The following GRM7 variants were observed in gnomAD, a reference collection of about 807,000 sequenced individuals.
GRM7 encodes glutamate metabotropic receptor 7, also known as metabotropic glutamate receptor 7.
Under a neutral mutation model 84.5 loss-of-function variants are expected in GRM7, and 35 were observed. The ratio of observed to expected loss-of-function variants is 0.41; its 90% CI spans 0.32 to 0.55. The LOEUF is 0.55. GRM7 is among the 20% of genes least tolerant of loss of function. GRM7 has a pLI of 0.19. For missense variants in GRM7, 1,003 were observed against 1,194.6 expected (o/e 0.84, Z 2.36); for synonymous variants, 487 against 455.1 (o/e 1.07, Z -0.89).
intron 8 of GRM7, among the ~76,000 whole-genome samples, chr3:7,618,676 C>T (rs1697223349): frequency 6.6e-6 from 1 of 152,048 alleles, no homozygotes; most frequent in Non-Finnish European, 1.5e-5. Context: ...ACCTAAAATT[C>T]CCCTTATGAC....
chr3:7,570,343 T>C (rs1694584285), intron 7 of GRM7, among the ~76,000 whole-genome samples: 1 of 152,200 alleles, frequency 6.6e-6, no homozygotes, highest in African/African-American at 2.4e-5. Context: ...CTTCTGCTTA[T>C]GAGCCTGTAA....
chr3:6,918,313 C>T (rs748520539), intron 1 of GRM7, among the ~76,000 whole-genome samples: 4 of 152,156 alleles, frequency 2.6e-5, no homozygotes, highest in Admixed American at 6.5e-5. Flanking sequence ...TTTTGCCTAT[C>T]GCCTTGTAGG....
At chr3:7,416,047 G>C (rs986671267) in intron 5 of GRM7, among the ~76,000 whole-genome samples, 2 of 152,114 alleles carry the variant, frequency 1.3e-5, no homozygotes, top group Admixed American at 1.3e-4. Flanking sequence ...AAATAGGTTG[G>C]AGAATTCTGA....
At chr3:7,551,823 A>G (rs1288309521) in intron 7 of GRM7, among the ~76,000 whole-genome samples, 1 of 152,148 alleles carries the variant, frequency 6.6e-6, no homozygotes, top group Non-Finnish European at 1.5e-5. Context: ...TCTTACTGCT[A>G]TAAAGAACTC....
At chr3:7,515,171 G>A (rs1353344422) in intron 7 of GRM7, among the ~76,000 whole-genome samples, 3 of 142,060 alleles carry the variant, frequency 2.1e-5, no homozygotes, top group African/African-American at 7.9e-5. Flanking sequence ...CCAGTTTCCT[G>A]TTCCTTTAAA....
intron 9 of GRM7, among the ~76,000 whole-genome samples, chr3:7,715,090 G>T (rs1356650435): frequency 6.6e-6 from 1 of 152,128 alleles, no homozygotes; most frequent in Non-Finnish European, 1.5e-5. Flanking sequence ...CTTTAGTAAG[G>T]ATTGAAGGAA....
chr3:7,569,915 G>C (rs186582048), intron 7 of GRM7, among the ~76,000 whole-genome samples: 3 of 152,152 alleles, frequency 2.0e-5, no homozygotes, highest in African/African-American at 4.8e-5. Context: ...TCACCGCGAG[G>C]GTCCGTGGCT....
At chr3:7,585,150 G>C (rs1695462922) in intron 8 of GRM7, among the ~76,000 whole-genome samples, 2 of 152,204 alleles carry the variant, frequency 1.3e-5, no homozygotes, top group South Asian at 4.1e-4. Context: ...GTGCACTCAT[G>C]CTGTGACAGG....
At chr3:7,090,751 G>T (rs1698633461) in intron 1 of GRM7, among the ~76,000 whole-genome samples, 1 of 152,084 alleles carries the variant, frequency 6.6e-6, no homozygotes, top group African/African-American at 2.4e-5. Flanking sequence ...TGATAGATAA[G>T]ATAGAGAAGA....
intron 2 of GRM7, among the ~76,000 whole-genome samples, chr3:7,288,505 G>A (rs566789223): frequency 6.6e-6 from 1 of 152,204 alleles, no homozygotes; most frequent in Non-Finnish European, 1.5e-5. Flanking sequence ...TGGCTCTGTA[G>A]CATTGGACAA....
chr3:7,402,132 C>G (rs116544023), intron 4 of GRM7, among the ~76,000 whole-genome samples: 3,200 of 152,268 alleles, frequency 0.021, 51 homozygotes, highest in Middle Eastern at 0.058. Context: ...TGGCTGCTAT[C>G]AGCAACTCCT....
At chr3:7,112,716 A>G (rs1394728166) in intron 1 of GRM7, among the ~76,000 whole-genome samples, 2 of 152,164 alleles carry the variant, frequency 1.3e-5, no homozygotes, top group South Asian at 2.1e-4. Flanking sequence ...AGCCATGTGC[A>G]TGACTAGTGG....
intron 1 of GRM7, among the ~76,000 whole-genome samples, chr3:6,873,734 T>C (rs959320580): frequency 3.3e-5 from 5 of 152,228 alleles, no homozygotes; most frequent in Non-Finnish European, 7.3e-5. Context: ...TCATGCACCC[T>C]GTATAAGGGC....
chr3:6,893,644 A>G (rs1482573134), intron 1 of GRM7, among the ~76,000 whole-genome samples: 1 of 152,190 alleles, frequency 6.6e-6, no homozygotes, highest in East Asian at 1.9e-4. Flanking sequence ...AAATACAGTC[A>G]TCAATTTTTG....
intron 4 of GRM7, among the ~76,000 whole-genome samples, chr3:7,357,937 C>T (rs1302486676): frequency 1.3e-5 from 2 of 152,106 alleles, no homozygotes; most frequent in African/African-American, 4.8e-5. Flanking sequence ...AATACTCAGA[C>T]TCATGAGCTT....
Position 6,947,071 on chromosome 3 carries a change from C to T in GRM7, c.519+85164C>T, listed in dbSNP as rs144814720. 1.7e-3 allele frequency among the ~76,000 whole-genome samples: 262 copies of T among 152,224 alleles called. 4 individuals are homozygous for T. Among genetic ancestry groups the T allele is most frequent in the Admixed American group, 4.7e-3 (72 of 15,278 alleles). ...CCTTATCCTGCCTGATTGCCCTGGC[C>T]AGAACTTCCAACACTATGTTGAATA... On this transcript the variant is annotated intron_variant, in intron 1 of 9. Transcript: ENST00000357716.
intron 2 of GRM7, among the ~76,000 whole-genome samples, chr3:7,240,123 T>TTTTTTG (rs1191578645): frequency 3.0e-5 from 4 of 131,776 alleles, no homozygotes; most frequent in Non-Finnish European, 4.7e-5. Context: ...ATGTGAGGTT[T>TTTTTTG]TTTTTTTTTT....
At chr3:7,291,020 C>T (rs1249155516) in intron 2 of GRM7, among the ~76,000 whole-genome samples, 1 of 152,092 alleles carries the variant, frequency 6.6e-6, no homozygotes, top group Non-Finnish European at 1.5e-5. Flanking sequence ...ACTCTGTCTC[C>T]CTCTCTCACC....
At chr3:7,461,251 T>C (rs1416372503) in intron 6 of GRM7, among the ~76,000 whole-genome samples, 1 of 152,178 alleles carries the variant, frequency 6.6e-6, no homozygotes, top group Non-Finnish European at 1.5e-5. Flanking sequence ...ATCAGGAGCA[T>C]AATAAAACTT....
Sources: allele counts gnomAD v4.1 joint callset (sites outside exome capture counted in the v4.1 genomes callset), GRCh38; gene constraint gnomAD v4.1.1; transcripts MANE v1.5; gene names NCBI Gene and HGNC (gene_info 2026-07-23, HGNC 2026-07-21).